The following MTOR variants were observed in gnomAD, a reference collection of about 807,000 sequenced individuals.
The protein encoded by MTOR is mechanistic target of rapamycin kinase.
A neutral mutation model predicts 319.8 loss-of-function variants in MTOR; 70 were observed. That is an observed-to-expected ratio of 0.22 (90% CI 0.18 to 0.27). The LOEUF is 0.27. Among genes scored for constraint, MTOR ranks in the 10% least tolerant of loss-of-function variants. The pLI is 1.00. For missense variants in MTOR, 1,890 were observed against 3,274.4 expected, an observed-to-expected ratio of 0.58 and a Z score of 10.32; for synonymous variants, 1,183 against 1,211.4, an observed-to-expected ratio of 0.98 and a Z score of 0.49.
chr1:11,218,783 C>T (rs1226123092), intron 19 of MTOR, among the ~76,000 whole-genome samples: 1 of 152,024 alleles, frequency 6.6e-6, no homozygotes, highest in Non-Finnish European at 1.5e-5. Context: ...TCTTTTTGCT[C>T]GGAACATGAG....
intron 30 of MTOR, among the ~76,000 whole-genome samples, chr1:11,152,171 C>T (rs1034433624): frequency 5.3e-5 from 8 of 152,182 alleles, no homozygotes; most frequent in African/African-American, 1.9e-4. Context: ...TCCTACCTCT[C>T]AAGGGCGGTT....
chr1:11,241,557 G>A lies in MTOR; in HGVS notation c.1537C>T (p.Leu513=), dbSNP rs755257584. 1.9e-6 allele frequency: 3 copies of A among 1,611,900 alleles called. No individual in the cohort carries two copies. The African/African-American group carries it at 4.0e-5, about 22-fold the overall frequency. ...GCTCAGGTTTCTGACACCCACCTTA[G>A]TCCCACTGCCAGCATGGGCTCCAGC... The part of the protein sequence containing the change: ...ELLEPMLAVG[L]SPALTAVLYD... Residue 513 remains leucine (L), a synonymous_variant, in exon 10 of 58, where the codon CTA becomes TTA. Coordinates refer to ENST00000361445, the MANE Select transcript of MTOR (RefSeq NM_004958.4).
intron 52 of MTOR, 60 bp downstream of exon 52, chr1:11,114,753 C>T: frequency 1.3e-6 from 2 of 1,530,352 alleles, no homozygotes; most frequent in South Asian, 2.3e-5. Context: ...AGCGTGTTCT[C>T]AGAAGGCTGT....
intron 28 of MTOR, among the ~76,000 whole-genome samples, chr1:11,186,183 T>G (rs1645316935): frequency 6.6e-6 from 1 of 152,110 alleles, no homozygotes; most frequent in Admixed American, 6.6e-5. Context: ...AAATATTCCT[T>G]TGAGATACAC....
In MTOR at chr1:11,130,771, G is replaced by A; in HGVS notation, c.5371C>T (p.His1791Tyr). The A allele has an allele frequency of 6.4e-7, 1 of 1,565,272 alleles. No homozygotes were observed. The highest frequency in any genetic ancestry group is 8.7e-7 in the Non-Finnish European group (1 of 1,154,096). ...TCGAAGTTCATCACTGCCCACGCAT[G>A]CCAGGCCTGGTTGGGGAGAAAGGCA... ...EHDRSWYKAW[H>Y]AWAVMNFEAV... Residue 1791 changes from histidine (H) to tyrosine (Y), a missense_variant, in exon 39 of 58, where the codon CAT becomes TAT. His to Tyr is a moderately conservative substitution (Grantham distance 83). Coordinates refer to ENST00000361445, the MANE Select transcript of MTOR (RefSeq NM_004958.4).
chr1:11,202,315 G>C (rs1443747028), intron 26 of MTOR, among the ~76,000 whole-genome samples: 1 of 151,546 alleles, frequency 6.6e-6, no homozygotes, highest in Admixed American at 6.6e-5. Context: ...CAGCTCATTG[G>C]GAGGCTGAGG....
At chr1:11,201,059 T>G (rs1365574808) in intron 26 of MTOR, among the ~76,000 whole-genome samples, 1 of 151,646 alleles carries the variant, frequency 6.6e-6, no homozygotes, top group Non-Finnish European at 1.5e-5. Context: ...AGCCAGGTAA[T>G]TACAGTCGCT....
chr1:11,202,153 G>T (rs1645990942), intron 26 of MTOR, among the ~76,000 whole-genome samples: 1 of 152,118 alleles, frequency 6.6e-6, no homozygotes, highest in African/African-American at 2.4e-5. Flanking sequence ...ATTTAGGCCG[G>T]GCACAGTGGC....
chr1:11,185,452 A>G (rs1489811827), intron 28 of MTOR, among the ~76,000 whole-genome samples: 4 of 151,396 alleles, frequency 2.6e-5, no homozygotes, highest in Admixed American at 1.3e-4. Flanking sequence ...AAGAAAGAAA[A>G]AAAGATAGTT....
Position 11,252,124 on chromosome 1 carries a change from T to C in MTOR, c.840+1715A>G, listed in dbSNP as rs532048782. Among the ~76,000 whole-genome samples the C allele has an allele frequency of 2.0e-5, 3 of 152,346 alleles. No homozygotes were observed. The South Asian group carries it at 6.2e-4, about 32-fold the overall frequency. On this transcript the variant is annotated intron_variant, in intron 6 of 57. Transcript: ENST00000361445. ...AAGTCCCTCCGATAAAGTAGCATAGTATTTGCATATAACCTATGTATAGCT... is the reference window on the plus strand; with the variant it reads ...AAGTCCCTCCGATAAAGTAGCATAGCATTTGCATATAACCTATGTATAGCT...
intron 28 of MTOR, among the ~76,000 whole-genome samples, chr1:11,174,836 T>C (rs939724334): frequency 2.0e-5 from 3 of 152,172 alleles, no homozygotes; most frequent in Admixed American, 1.3e-4. Flanking sequence ...TGCAGGCTTA[T>C]AAAGGGCAAA....
At chr1:11,248,197 CA>C in intron 6 of MTOR, 103 bp from the exon 7 acceptor site, 1 of 1,207,994 alleles carries the variant, frequency 8.3e-7, no homozygotes, top group Non-Finnish European at 1.2e-6. Context: ...TCCCGAAACG[CA>C]ACTACTTCCA....
Position 11,121,743 on chromosome 1 carries a change from G to A in MTOR, c.6810+236C>T, listed in dbSNP as rs1428890007. Among the ~76,000 whole-genome samples the A allele has an allele frequency of 2.0e-5, 3 of 152,144 alleles. No individual in the cohort carries two copies. Among genetic ancestry groups the A allele is most frequent in the East Asian group, 1.9e-4 (1 of 5,194 alleles). On this transcript the variant is annotated intron_variant, in intron 48 of 57. Coordinates refer to ENST00000361445, the MANE Select transcript of MTOR (RefSeq NM_004958.4). The surrounding 1 kb of genome is among the most constrained non-coding windows in gnomAD (Gnocchi z 4.9). ...TATACATTAGTAAATATATGGTGCCGAATATTTATCTGTCTAGTCTTCCCT... is the reference window on the plus strand; with the variant it reads ...TATACATTAGTAAATATATGGTGCCAAATATTTATCTGTCTAGTCTTCCCT...
At chr1:11,237,445 G>A (rs1031954252) in intron 13 of MTOR, among the ~76,000 whole-genome samples, 2 of 152,042 alleles carry the variant, frequency 1.3e-5, no homozygotes, top group African/African-American at 4.8e-5. Flanking sequence ...GAAGAACAAC[G>A]GCCTCCGTGC....
At chr1:11,245,895 G>C (rs982473031) in intron 8 of MTOR, among the ~76,000 whole-genome samples, 1 of 152,106 alleles carries the variant, frequency 6.6e-6, no homozygotes, top group Admixed American at 6.6e-5. Context: ...GGGTGACACA[G>C]CAAGACCCTG....
intron 54 of MTOR, among the ~76,000 whole-genome samples, chr1:11,110,359 G>A (rs1369411446): frequency 6.6e-6 from 1 of 152,104 alleles, no homozygotes; most frequent in Non-Finnish European, 1.5e-5. Context: ...TTTGAATGCT[G>A]TCCTTGTACA....
At position 11,199,237 on chromosome 1, in the gene MTOR, TAA is replaced by T. The variant is rs777060974; in HGVS notation, c.4253+19_4253+20del. 6.2e-7 allele frequency: 1 copy of T among 1,614,082 alleles called. No homozygotes were observed. Among genetic ancestry groups the T allele is most frequent in the Non-Finnish European group, 8.5e-7 (1 of 1,179,976 alleles). On this transcript the variant is annotated intron_variant, in intron 28 of 57. Coordinates refer to ENST00000361445, the MANE Select transcript of MTOR (RefSeq NM_004958.4). The surrounding 1 kb of genome is among the most constrained non-coding windows in gnomAD (Gnocchi z 4.5). The stretch of plus-strand genomic sequence containing the variant: ...GGTCATTTTGCATGAAGGCAGCAAT[TAA>T]AAAGGGTTTATGGCCTACCTGATGA...
In MTOR at chr1:11,199,698, A is replaced by C; in HGVS notation, c.3950T>G (p.Leu1317Arg). 1 of 1,613,884 alleles carries C rather than the reference A, an allele frequency of 6.2e-7. No homozygotes were observed. The highest frequency in any genetic ancestry group is 8.5e-7 in the Non-Finnish European group (1 of 1,179,774). The change falls in exon 27 of 58, where the codon CTC becomes CGC. Residue 1317 changes from leucine to arginine, a missense_variant. Transcript: ENST00000361445. This position sits in a 1 kb window ranked among gnomAD's most constrained non-coding sequence, Gnocchi z 4.5. ...GCAGGACACAAATGCAGCATTGAAG[A>C]GATCCCTGAAGGCAGAGAAGGTGGA... is the stretch of plus-strand genomic sequence containing the variant. ...AQAYNPMARD[L>R]FNAAFVSCWS...
At chr1:11,118,685 T>C (rs1251141724) in intron 49 of MTOR, among the ~76,000 whole-genome samples, 1 of 149,568 alleles carries the variant, frequency 6.7e-6, no homozygotes, top group Non-Finnish European at 1.5e-5. Context: ...GATTGTGCAG[T>C]GGCACAATCT....
Sources: allele counts gnomAD v4.1 joint callset (sites outside exome capture counted in the v4.1 genomes callset), GRCh38; gene constraint gnomAD v4.1.1; non-coding constraint Gnocchi (gnomAD v3.1); transcripts MANE v1.5; gene names NCBI Gene and HGNC (gene_info 2026-07-23, HGNC 2026-07-21).